Variants in RALGPS1 observed in about 807,000 individuals in gnomAD.
RALGPS1 encodes Ral GEF with PH domain and SH3 binding motif 1.
RALGPS1 carries 19 observed loss-of-function variants against 78.8 expected under a neutral mutation model. The ratio of observed to expected loss-of-function variants is 0.24; its 90% CI spans 0.17 to 0.35. The LOEUF is 0.35. Ranked by LOEUF, RALGPS1 falls within the 10% of genes least tolerant of loss-of-function variation. The probability of loss-of-function intolerance (pLI) is 1.00; values close to 1 mark genes in which losing one functional copy is unlikely to be tolerated. For missense variants in RALGPS1, 454 were observed against 688.3 expected (o/e 0.66, Z 3.81); for synonymous variants, 228 against 256.3 (o/e 0.89, Z 1.06).
At chr9:127,108,127 T>G in intron 8 of RALGPS1, 1 of 1,613,814 alleles carries the variant, frequency 6.2e-7, no homozygotes, top group Admixed American at 1.7e-5. Flanking sequence ...CTGGCAGTGC[T>G]CCTCAAGCTG....
chr9:127,013,565 TA>T (rs1309295057), intron 4 of RALGPS1, among the ~76,000 whole-genome samples: 1 of 152,100 alleles, frequency 6.6e-6, no homozygotes, highest in Non-Finnish European at 1.5e-5. Context: ...TCCCCAGTGC[TA>T]CCCCTCAACT....
At chr9:127,151,482 G>T (rs1341139686) in intron 8 of RALGPS1, among the ~76,000 whole-genome samples, 2 of 152,186 alleles carry the variant, frequency 1.3e-5, no homozygotes, top group East Asian at 3.8e-4. Context: ...CCTCCCACAG[G>T]GAAGCAGGTG....
chr9:127,107,909 A>ACTTAC, intron 8 of RALGPS1: 1 of 1,526,296 alleles, frequency 6.6e-7, no homozygotes, highest in Non-Finnish European at 8.8e-7. Context: ...TCCCAGAAGC[A>ACTTAC]CTTACCCGAC....
intron 8 of RALGPS1, among the ~76,000 whole-genome samples, chr9:127,109,042 C>T (rs1260140808): frequency 2.0e-5 from 3 of 152,220 alleles, no homozygotes; most frequent in African/African-American, 7.2e-5. Context: ...CTGCTACTCC[C>T]AGAGCCAGCT....
intron 8 of RALGPS1, among the ~76,000 whole-genome samples, chr9:127,128,287 G>A (rs1175045644): frequency 6.6e-6 from 1 of 152,146 alleles, no homozygotes; most frequent in African/African-American, 2.4e-5. Context: ...TTGCTATTGT[G>A]AACAGTGCTA....
intron 4 of RALGPS1, among the ~76,000 whole-genome samples, chr9:127,019,874 G>A (rs1325869970): frequency 1.3e-5 from 2 of 152,120 alleles, no homozygotes; most frequent in African/African-American, 4.8e-5. Flanking sequence ...ATTGTATAAT[G>A]AGGGCTGTTG....
rs2062281546 is a variant in RALGPS1 at position 127,211,881 on chromosome 9, G to A, written c.1248-250G>A. Reference sequence around the variant, plus strand: ...GGGTGGGGGTGCTGATCAGGGCCTGGGTTATGAGGAACTTGGTCACCAAGC... The same window carrying A: ...GGGTGGGGGTGCTGATCAGGGCCTGAGTTATGAGGAACTTGGTCACCAAGC... On this transcript the variant is annotated intron_variant, in intron 14 of 18. Transcript: ENST00000259351. The surrounding 1 kb of genome is among the most constrained non-coding windows in gnomAD (Gnocchi z 5.0). 6.6e-6 allele frequency among the ~76,000 whole-genome samples: 1 copy of A among 152,148 alleles called. No individual in the cohort carries two copies. The highest frequency in any genetic ancestry group is 2.1e-4 in the South Asian group (1 of 4,828).
chr9:126,958,713 T>A (rs1189216563), intron 1 of RALGPS1, among the ~76,000 whole-genome samples: 1 of 152,232 alleles, frequency 6.6e-6, no homozygotes, highest in Non-Finnish European at 1.5e-5. Flanking sequence ...TTATGAATAA[T>A]GGTGCTATAA....
At chr9:127,147,852 T>G (rs1370960470) in intron 8 of RALGPS1, among the ~76,000 whole-genome samples, 2 of 152,198 alleles carry the variant, frequency 1.3e-5, no homozygotes, top group Non-Finnish European at 2.9e-5. Context: ...TTACTATTGG[T>G]GTATTAAAGG....
In RALGPS1 at chr9:127,143,402, A is replaced by G. The variant is rs112993698; in HGVS notation, c.611-22667A>G. 6.5e-3 allele frequency among the ~76,000 whole-genome samples: 983 copies of G among 152,316 alleles called. 19 individuals carry two copies. Among genetic ancestry groups the G allele is most frequent in the African/African-American group, 0.023 (945 of 41,566 alleles). On this transcript the variant is annotated intron_variant, in intron 8 of 18. Coordinates refer to ENST00000259351, the MANE Select transcript of RALGPS1 (RefSeq NM_014636.3). ...AAATTAAATGATAACTGGATTTTAG[A>G]TGGAGGCTTTTATTTATTAATTTAC...
At chr9:127,036,898 C>T (rs76859881) in intron 5 of RALGPS1, among the ~76,000 whole-genome samples, 3,593 of 152,292 alleles carry the variant, frequency 0.024, 46 homozygotes, top group Middle Eastern at 0.048. Flanking sequence ...AGGGTGTTCA[C>T]TGCCTTCCGG....
chr9:127,089,929 T>G (rs1227959051), intron 8 of RALGPS1, among the ~76,000 whole-genome samples: 1 of 152,178 alleles, frequency 6.6e-6, no homozygotes, highest in Non-Finnish European at 1.5e-5. Flanking sequence ...GGGGACCCCG[T>G]ACTCAGGGGA....
chr9:126,932,902 A>G (rs945233733), intron 1 of RALGPS1, among the ~76,000 whole-genome samples: 2 of 152,222 alleles, frequency 1.3e-5, no homozygotes. Context: ...AAGAGCGGGC[A>G]GTCTGAGCCG....
chr9:127,062,180 C>T (rs891800504), intron 7 of RALGPS1, among the ~76,000 whole-genome samples: 1 of 152,146 alleles, frequency 6.6e-6, no homozygotes, highest in Admixed American at 6.6e-5. Context: ...TCACTGCAAG[C>T]TCCGCCTCCC....
chr9:127,159,877 C>T lies in RALGPS1; in HGVS notation c.611-6192C>T, dbSNP rs891506664. Reference sequence around the variant, plus strand: ...AAGTTTGAAAGTGATCTTTTTAAGGCAGAGCAGGAGAACATGGAAAAAAGT... The same window carrying T: ...AAGTTTGAAAGTGATCTTTTTAAGGTAGAGCAGGAGAACATGGAAAAAAGT... On this transcript the variant is annotated intron_variant, in intron 8 of 18. Coordinates refer to ENST00000259351, the MANE Select transcript of RALGPS1 (RefSeq NM_014636.3). 3.9e-5 allele frequency among the ~76,000 whole-genome samples: 6 copies of T among 151,984 alleles called. 1 individual carries two copies. The highest frequency in any genetic ancestry group is 1.3e-4 in the Admixed American group (2 of 15,276).
intron 8 of RALGPS1, among the ~76,000 whole-genome samples, chr9:127,152,904 C>T (rs11793524): frequency 0.37 from 56,581 of 152,120 alleles, 12,469 homozygotes; most frequent in Non-Finnish European, 0.48. Context: ...TACCTGCTTT[C>T]GTCTTCAGCC....
At chr9:127,032,316 G>A (rs1010676333) in intron 4 of RALGPS1, among the ~76,000 whole-genome samples, 16 of 152,128 alleles carry the variant, frequency 1.1e-4, no homozygotes, top group South Asian at 6.2e-4. Context: ...AAGTTATTAC[G>A]GTGTGGAAAT....
chr9:127,129,099 C>T (rs2056830411), intron 8 of RALGPS1, among the ~76,000 whole-genome samples: 1 of 152,086 alleles, frequency 6.6e-6, no homozygotes, highest in African/African-American at 2.4e-5. Context: ...GGTCAATTTG[C>T]CCAAAGACAA....
At chr9:126,971,764 A>G (rs912284997) in intron 3 of RALGPS1, among the ~76,000 whole-genome samples, 10 of 152,174 alleles carry the variant, frequency 6.6e-5, no homozygotes, top group Non-Finnish European at 8.8e-5. Context: ...TTAAGACTGA[A>G]TGAGGGTTAA....
Sources: allele counts gnomAD v4.1 joint callset (sites outside exome capture counted in the v4.1 genomes callset), GRCh38; gene constraint gnomAD v4.1.1; non-coding constraint Gnocchi (gnomAD v3.1); transcripts MANE v1.5; gene names NCBI Gene and HGNC (gene_info 2026-07-23, HGNC 2026-07-21).